The following ZDHHC21 variants were observed in gnomAD, a reference collection of about 807,000 sequenced individuals.
ZDHHC21 encodes the protein zDHHC palmitoyltransferase 21.
Under a neutral mutation model 34.6 loss-of-function variants are expected in ZDHHC21, and 15 were observed. The observed-to-expected ratio is 0.43, with a 90% CI of 0.29 to 0.67. The LOEUF (loss-of-function observed/expected upper bound fraction) is 0.67, where lower values mean the gene tolerates loss of function less well. Ranked by LOEUF, ZDHHC21 falls within the 30% of genes least tolerant of loss-of-function variation. The pLI, the probability that ZDHHC21 is intolerant of heterozygous loss-of-function variation, is 0.14. For missense variants in ZDHHC21, 344 were observed against 327.7 expected, an observed-to-expected ratio of 1.05 and a Z score of -0.38; for synonymous variants, 142 against 101.8, an observed-to-expected ratio of 1.40 and a Z score of -2.38.
rs1170837517 is a variant in ZDHHC21, at chr9:14,611,996, T to C, written c.*6970A>G. On this transcript the variant is annotated 3_prime_UTR_variant, in exon 10 of 10. Coordinates refer to ENST00000380916, the MANE Select transcript of ZDHHC21 (RefSeq NM_178566.6). Reference sequence around the variant, plus strand: ...TGAAAAATTACTGCATTCAGCCACATGCATTTAAATCACGCATAAACAAGC... The same window carrying C: ...TGAAAAATTACTGCATTCAGCCACACGCATTTAAATCACGCATAAACAAGC... 6.6e-6 allele frequency: 1 copy of C among 152,058 alleles called. No individual in the cohort carries two copies. The highest frequency in any genetic ancestry group is 2.4e-5 in the African/African-American group (1 of 41,434). 9.4% of individuals were successfully genotyped at this position (152,058 alleles called of 1,614,324 possible).
intron 2 of ZDHHC21, among the ~76,000 whole-genome samples, chr9:14,682,624 TCAA>T (rs930541365): frequency 7.9e-5 from 12 of 151,666 alleles, no homozygotes; most frequent in Non-Finnish European, 4.4e-5. Flanking sequence ...CAACATTAGA[TCAA>T]CGAGACAGGA....
rs1829020459 is a variant in ZDHHC21, at chr9:14,639,889, T to C, written c.621+7A>G. 2.1e-6 allele frequency: 3 copies of C among 1,451,578 alleles called. No individual in the cohort carries two copies. Among genetic ancestry groups the C allele is most frequent in the Non-Finnish European group, 2.8e-6 (3 of 1,058,020 alleles). 89.9% of individuals were successfully genotyped at this position (1,451,578 alleles called of 1,614,324 possible). On this transcript the variant is annotated splice_region_variant and intron_variant, in intron 8 of 9. Transcript: ENST00000380916. ...TAAATGTTACTTTACATTAAAAATA[T>C]ACTTACTGTGATGATGCCAATTAGT... is the stretch of plus-strand genomic sequence containing the variant.
chr9:14,645,584 A>G (rs1437517407), intron 7 of ZDHHC21, among the ~76,000 whole-genome samples: 1 of 152,088 alleles, frequency 6.6e-6, no homozygotes, highest in Non-Finnish European at 1.5e-5. Flanking sequence ...CAAAAATGAA[A>G]CGGTTGATAA....
intron 8 of ZDHHC21, among the ~76,000 whole-genome samples, chr9:14,631,027 C>T (rs115854677): frequency 1.3e-5 from 2 of 152,234 alleles, no homozygotes; most frequent in South Asian, 2.1e-4. Context: ...TGCATTTAAC[C>T]GTAACAAGAG....
At chr9:14,607,738 G>A (rs1487980526), downstream of ZDHHC21, among the ~76,000 whole-genome samples, 1 of 152,110 alleles carries the variant, frequency 6.6e-6, no homozygotes, top group Non-Finnish European at 1.5e-5. Context: ...CTATCAGTAT[G>A]CTACATACCA....
intron 8 of ZDHHC21, among the ~76,000 whole-genome samples, chr9:14,631,191 T>C (rs1008101104): frequency 1.3e-5 from 2 of 152,220 alleles, no homozygotes; most frequent in African/African-American, 4.8e-5. Context: ...ATTAATCATC[T>C]TAGATCTTTT....
At chr9:14,625,540 C>T (rs376783061) in intron 8 of ZDHHC21, among the ~76,000 whole-genome samples, 9 of 151,934 alleles carry the variant, frequency 5.9e-5, no homozygotes, top group African/African-American at 7.2e-5. Context: ...CAAATAATAA[C>T]GCTTACCTCA....
At chr9:14,669,219 A>G (rs1835024948) in intron 5 of ZDHHC21, among the ~76,000 whole-genome samples, 1 of 138,892 alleles carries the variant, frequency 7.2e-6, no homozygotes. Flanking sequence ...TCTCAAAAGA[A>G]GACATTTATG....
In ZDHHC21 at chr9:14,617,484, T is replaced by C. The variant is rs1824432475; in HGVS notation, c.*1482A>G. ...ACAATGGTAACCTTCTGTTTAATTA[T>C]TTCCCAGGTATTGTTCCTTACTTTC... On this transcript the variant is annotated 3_prime_UTR_variant, in exon 10 of 10. Transcript: ENST00000380916. 1 of 152,022 alleles carries C rather than the reference T, an allele frequency of 6.6e-6. No individual in the cohort carries two copies. The highest frequency in any genetic ancestry group is 2.4e-5 in the African/African-American group (1 of 41,452). 9.4% of individuals were successfully genotyped at this position (152,022 alleles called of 1,614,324 possible).
intron 2 of ZDHHC21, among the ~76,000 whole-genome samples, chr9:14,689,427 G>T (rs1455132617): frequency 1.3e-5 from 2 of 152,202 alleles, no homozygotes; most frequent in Non-Finnish European, 2.9e-5. Flanking sequence ...AAAAACGTGG[G>T]TGGACAAAGT....
chr9:14,646,317 C>G (rs547532524), intron 7 of ZDHHC21, among the ~76,000 whole-genome samples: 2 of 152,232 alleles, frequency 1.3e-5, no homozygotes, highest in South Asian at 4.1e-4. Flanking sequence ...TTTTTATGCA[C>G]TCCTTCATAT....
At position 14,689,943 on chromosome 9, in the gene ZDHHC21, C is replaced by G. The variant is rs563450335; in HGVS notation, c.-176+394G>C. Among the ~76,000 whole-genome samples, 225 of 151,856 alleles carry G rather than the reference C, an allele frequency of 1.5e-3. 3 individuals carry two copies. Among genetic ancestry groups the G allele is most frequent in the Non-Finnish European group, 2.4e-3 (160 of 67,984 alleles). ...GTGGGGTGATACGAATTAAAGACCA[C>G]CAAATATTGTTTCAGTCAGTACAAA... On this transcript the variant is annotated intron_variant, in intron 2 of 9. Transcript: ENST00000380916.
At chr9:14,605,156 G>C in the ZDHHC21 span, among the ~76,000 whole-genome samples, 1 of 151,070 alleles carries the variant, frequency 6.6e-6, no homozygotes. Context: ...TATGAATACT[G>C]CATTAATGAA....
chr9:14,656,436 T>C (rs1195108100), intron 7 of ZDHHC21, among the ~76,000 whole-genome samples: 2 of 151,928 alleles, frequency 1.3e-5, no homozygotes, highest in African/African-American at 2.4e-5. Flanking sequence ...TATGAATTAC[T>C]TCATTCATTG....
chr9:14,684,546 T>C (rs1837964228), intron 2 of ZDHHC21, among the ~76,000 whole-genome samples: 1 of 150,666 alleles, frequency 6.6e-6, no homozygotes, highest in Non-Finnish European at 1.5e-5. Context: ...CTCAATGAAA[T>C]AAAAGAGGAA....
chr9:14,632,432 T>G (rs961198448), intron 8 of ZDHHC21, among the ~76,000 whole-genome samples: 1 of 151,948 alleles, frequency 6.6e-6, no homozygotes, highest in Non-Finnish European at 1.5e-5. Flanking sequence ...CTTCACACAA[T>G]GTACAAAAAT....
intron 7 of ZDHHC21, among the ~76,000 whole-genome samples, chr9:14,645,838 G>C (rs556157357): frequency 8.0e-4 from 122 of 152,218 alleles, no homozygotes; most frequent in African/African-American, 2.7e-3. Context: ...TTAGTCATCA[G>C]AGAAATGTAA....
At chr9:14,683,956 G>C (rs1173720103) in intron 2 of ZDHHC21, among the ~76,000 whole-genome samples, 1 of 152,096 alleles carries the variant, frequency 6.6e-6, no homozygotes, top group Non-Finnish European at 1.5e-5. Context: ...AAAACCACAC[G>C]GTTATCTCAA....
chr9:14,606,208 A>T (rs1823010830), downstream of ZDHHC21, among the ~76,000 whole-genome samples: 1 of 152,044 alleles, frequency 6.6e-6, no homozygotes, highest in Non-Finnish European at 1.5e-5. Context: ...GTGAAGTGTG[A>T]CTCTGACACT....
Sources: gnomAD v4.1 joint callset for allele counts (sites outside exome capture counted in the v4.1 genomes callset) on GRCh38, gnomAD v4.1.1 for gene constraint, MANE v1.5 for transcripts, NCBI Gene and HGNC (gene_info 2026-07-23, HGNC 2026-07-21) for gene names.